Variants in CSMD1 observed in about 807,000 individuals in gnomAD.
CSMD1 encodes CUB and Sushi multiple domains 1.
A neutral mutation model predicts 417.5 loss-of-function variants in CSMD1; 213 were observed. That is an observed-to-expected ratio of 0.51 (90% CI 0.46 to 0.57). The LOEUF is 0.57. Among genes scored for constraint, CSMD1 ranks in the 20% least tolerant of loss-of-function variants. The probability of loss-of-function intolerance (pLI) is 0.00; values close to 1 mark genes in which losing one functional copy is unlikely to be tolerated. For missense variants in CSMD1, 6,923 were observed against 4,529.7 expected (o/e 1.53, Z -15.17); for synonymous variants, 2,862 against 1,736.8 (o/e 1.65, Z -16.11).
intron 3 of CSMD1, among the ~76,000 whole-genome samples, chr8:4,325,746 G>T (rs1363132318): frequency 6.6e-6 from 1 of 152,120 alleles, no homozygotes; most frequent in African/African-American, 2.4e-5. Flanking sequence ...AGGCGTGAAT[G>T]TTATTCCTGT....
chr8:4,200,723 A>AT (rs1799596849), intron 3 of CSMD1, among the ~76,000 whole-genome samples: 1 of 152,096 alleles, frequency 6.6e-6, no homozygotes, highest in Admixed American at 6.5e-5. Context: ...CTAGCCAGAC[A>AT]TGGTTGTGTG....
intron 4 of CSMD1, among the ~76,000 whole-genome samples, chr8:3,998,701 T>A (rs1035531802): frequency 6.6e-5 from 10 of 151,986 alleles, no homozygotes; most frequent in Admixed American, 6.5e-5. Context: ...AAGTGATAAG[T>A]GAAAGGCCAG....
rs1199030343 is a variant in CSMD1 at position 3,110,311 on chromosome 8, G to C, written c.6455C>G (p.Ser2152Cys). ...AGGGGAGTAGATGGTGCCGTTCTGA[G>C]AAGTTACGTTGTACCCACAAGGGGC... is the stretch of plus-strand genomic sequence containing the variant. Reference protein sequence around the residue: ...CDAPCGYNVTSQNGTIYSPGF... With the variant: ...CDAPCGYNVTCQNGTIYSPGF... Residue 2152 changes from serine to cysteine, a missense_variant, in exon 43 of 70, where the codon TCT (serine) becomes TGT (cysteine). Physicochemically the swap from Ser to Cys is moderately radical, Grantham distance 112. Coordinates refer to ENST00000635120, the MANE Select transcript of CSMD1 (RefSeq NM_033225.6). 6.2e-7 allele frequency: 1 copy of C among 1,612,084 alleles called. No individual in the cohort carries two copies. The highest frequency in any genetic ancestry group is 8.5e-7 in the Non-Finnish European group (1 of 1,179,248).
intron 39 of CSMD1, 122 bp from the exon 40 acceptor site, chr8:3,151,635 A>C: frequency 1.6e-6 from 1 of 641,718 alleles, no homozygotes; most frequent in South Asian, 1.9e-5. Context: ...TTCTGCCCCT[A>C]ATTACAGCAC....
Position 4,171,006 on chromosome 8 carries a change from T to C in CSMD1, c.416-138907A>G, listed in dbSNP as rs547234541. On this transcript the variant is annotated intron_variant, in intron 3 of 69. Transcript: ENST00000635120. ...AGACTGTAAGTTCACACCTTCAGCA[T>C]GGGATAATGGCCTTCCATATGCAGA... Among the ~76,000 whole-genome samples the C allele has an allele frequency of 2.0e-5, 3 of 152,062 alleles. No homozygotes were observed. In the East Asian group the frequency reaches 5.8e-4, roughly 29 times the overall value.
At chr8:4,719,194 G>A (rs1196324821) in intron 1 of CSMD1, among the ~76,000 whole-genome samples, 1 of 152,180 alleles carries the variant, frequency 6.6e-6, no homozygotes, top group African/African-American at 2.4e-5. Context: ...TAGAGAAAGT[G>A]CAGGGGTGGG....
At position 4,849,998 on chromosome 8, in the gene CSMD1, G is replaced by C. The variant is rs185151852; in HGVS notation, c.85+144334C>G. 3.3e-5 allele frequency among the ~76,000 whole-genome samples: 5 copies of C among 152,172 alleles called. No individual in the cohort carries two copies. In the East Asian group the frequency reaches 9.6e-4, roughly 29 times the overall value. Reference sequence around the variant, plus strand: ...CTTTTTTCCATTCCCACCAGCAGCAGACATGCGGGTTCTAATTTCTCCACA... The same window carrying C: ...CTTTTTTCCATTCCCACCAGCAGCACACATGCGGGTTCTAATTTCTCCACA... On this transcript the variant is annotated intron_variant, in intron 1 of 69. Transcript: ENST00000635120.
At position 3,018,485 on chromosome 8, in the gene CSMD1, C is replaced by T. The variant is rs775089714; in HGVS notation, c.8021G>A (p.Arg2674Gln). Residue 2674 changes from arginine (R) to glutamine (Q), a missense_variant, in exon 52 of 70, where the codon CGA becomes CAA. Coordinates refer to ENST00000635120, the MANE Select transcript of CSMD1 (RefSeq NM_033225.6). ...AACACAGATGAATTTACCCAGACAT[C>T]GAGTTTCGCTGCCGCTCCAGAGCCC... is the stretch of plus-strand genomic sequence containing the variant. Reference protein sequence around the residue: ...ANGLWSGSETRCLAGHCGSPD... With the variant: ...ANGLWSGSETQCLAGHCGSPD... 6.2e-6 allele frequency: 10 copies of T among 1,612,956 alleles called. No homozygotes were observed. Among genetic ancestry groups the T allele is most frequent in the African/African-American group, 2.7e-5 (2 of 74,954 alleles).
At chr8:3,147,370 A>T (rs1467110153) in intron 40 of CSMD1, among the ~76,000 whole-genome samples, 1 of 152,214 alleles carries the variant, frequency 6.6e-6, no homozygotes, top group Non-Finnish European at 1.5e-5. Context: ...AATATTTGTA[A>T]GAATCTTGTG....
chr8:4,082,439 G>T (rs545197915), intron 3 of CSMD1, among the ~76,000 whole-genome samples: 3 of 152,228 alleles, frequency 2.0e-5, no homozygotes, highest in Non-Finnish European at 4.4e-5. Context: ...TTTGAAAATA[G>T]AGGAAGGGCA....
Position 3,219,275 on chromosome 8 carries a change from C to A in CSMD1, c.4652G>T (p.Gly1551Val). 1 of 1,593,898 alleles carries A rather than the reference C, an allele frequency of 6.3e-7. No individual in the cohort carries two copies. The highest frequency in any genetic ancestry group is 8.6e-7 in the Non-Finnish European group (1 of 1,169,248). ...AATACCTTTAAATTCAATGGCGAAC[C>A]CTGAAAGGCCCACGGAGGCATCACT... is the stretch of plus-strand genomic sequence containing the variant. ...FRSDASVGLS[G>V]FAIEFKEKPR... Residue 1551 changes from glycine (G) to valine (V), a missense_variant, in exon 29 of 70, where the codon GGG (glycine) becomes GTG (valine). Physicochemically the swap from Gly to Val is moderately radical, Grantham distance 109 (BLOSUM62 -3). Transcript: ENST00000635120.
chr8:4,151,740 G>C (rs1796581738), intron 3 of CSMD1, among the ~76,000 whole-genome samples: 1 of 152,178 alleles, frequency 6.6e-6, no homozygotes, highest in Non-Finnish European at 1.5e-5. Flanking sequence ...AAATACTAGA[G>C]GAAGACTGTA....
At chr8:4,100,006 C>T (rs1801222675) in intron 3 of CSMD1, among the ~76,000 whole-genome samples, 1 of 149,718 alleles carries the variant, frequency 6.7e-6, no homozygotes, top group Non-Finnish European at 1.5e-5. Context: ...CATTTATTTT[C>T]ATTTTTATGA....
At chr8:4,331,918 G>C (rs1188878928) in intron 3 of CSMD1, among the ~76,000 whole-genome samples, 2 of 152,044 alleles carry the variant, frequency 1.3e-5, no homozygotes, top group Non-Finnish European at 2.9e-5. Flanking sequence ...ACATCGTAAT[G>C]ATTTTTTTAC....
intron 38 of CSMD1, among the ~76,000 whole-genome samples, chr8:3,161,755 G>C (rs571916264): frequency 6.6e-6 from 1 of 151,978 alleles, no homozygotes; most frequent in African/African-American, 2.4e-5. Context: ...AGCCCAAAGA[G>C]GGCATTAATG....
chr8:4,418,707 T>A (rs868859277), intron 3 of CSMD1, among the ~76,000 whole-genome samples: 1 of 152,180 alleles, frequency 6.6e-6, no homozygotes, highest in Non-Finnish European at 1.5e-5. Context: ...TACATTGATA[T>A]CATCAATGAT....
intron 2 of CSMD1, among the ~76,000 whole-genome samples, chr8:4,596,844 T>C (rs186713904): frequency 2.0e-5 from 3 of 152,318 alleles, no homozygotes; most frequent in South Asian, 4.1e-4. Context: ...GGGGAGGTAA[T>C]TGAATCATGG....
At chr8:4,725,593 G>C (rs1038552596) in intron 1 of CSMD1, among the ~76,000 whole-genome samples, 1 of 152,078 alleles carries the variant, frequency 6.6e-6, no homozygotes, top group Non-Finnish European at 1.5e-5. Context: ...AACATGGGGC[G>C]CGTCTCAAAT....
intron 10 of CSMD1, among the ~76,000 whole-genome samples, chr8:3,522,759 C>G (rs1386289686): frequency 6.6e-6 from 1 of 151,944 alleles, no homozygotes; most frequent in Non-Finnish European, 1.5e-5. Flanking sequence ...ACAAAGTGCT[C>G]TACCACAATG....
Sources: gnomAD v4.1 joint callset for allele counts (sites outside exome capture counted in the v4.1 genomes callset) on GRCh38, gnomAD v4.1.1 for gene constraint, MANE v1.5 for transcripts, NCBI Gene and HGNC (gene_info 2026-07-23, HGNC 2026-07-21) for gene names.